KIAA1549L: variants seen among roughly 807,000 people sequenced by gnomAD.
KIAA1549L encodes the protein UPF0606 protein KIAA1549L.
In KIAA1549L, 88 loss-of-function variants were observed where a neutral mutation model predicts 160.7. That is an observed-to-expected ratio of 0.55 (90% CI 0.46 to 0.65). The LOEUF (loss-of-function observed/expected upper bound fraction) is 0.65. Ranked by LOEUF, KIAA1549L falls within the 30% of genes least tolerant of loss-of-function variation. The pLI, the probability that KIAA1549L is intolerant of heterozygous loss-of-function variation, is 0.00. For synonymous variants in KIAA1549L, 950 were observed against 976.7 expected (o/e 0.97, Z 0.51); for missense variants, 2,258 against 2,437.5 (o/e 0.93, Z 1.55).
chr11:33,589,857 C>T (rs1205158852), intron 11 of KIAA1549L, among the ~76,000 whole-genome samples: 2 of 152,082 alleles, frequency 1.3e-5, no homozygotes, highest in East Asian at 3.8e-4. Context: ...CACATGTATA[C>T]ATATGTAACC....
intron 13 of KIAA1549L, among the ~76,000 whole-genome samples, chr11:33,602,769 T>C (rs1211385908): frequency 6.6e-6 from 1 of 152,230 alleles, no homozygotes; most frequent in Non-Finnish European, 1.5e-5. Context: ...TCATACCACA[T>C]TTTGAAGCAT....
At chr11:33,443,143 G>C (rs972662642) in intron 1 of KIAA1549L, among the ~76,000 whole-genome samples, 2 of 151,904 alleles carry the variant, frequency 1.3e-5, no homozygotes, top group African/African-American at 4.8e-5. Context: ...GTTTTCTGAT[G>C]ACTTTCATTT....
intron 16 of KIAA1549L, among the ~76,000 whole-genome samples, chr11:33,639,779 A>G (rs1355438983): frequency 6.6e-6 from 1 of 152,102 alleles, no homozygotes; most frequent in Admixed American, 6.6e-5. Context: ...ACCTCAAATG[A>G]TCCGCCCGCC....
At chr11:33,389,052 C>T (rs1850225769) in intron 1 of KIAA1549L, among the ~76,000 whole-genome samples, 1 of 152,312 alleles carries the variant, frequency 6.6e-6, no homozygotes, top group East Asian at 1.9e-4. Context: ...TATGTTAAAT[C>T]TATTCTTAGC....
intron 16 of KIAA1549L, among the ~76,000 whole-genome samples, chr11:33,633,005 C>T (rs1156980428): frequency 6.6e-6 from 1 of 150,862 alleles, no homozygotes; most frequent in Non-Finnish European, 1.5e-5. Flanking sequence ...GACAGAGTTT[C>T]ATTCTTGTTG....
intron 1 of KIAA1549L, among the ~76,000 whole-genome samples, chr11:33,465,850 G>A (rs1203978401): frequency 6.6e-6 from 1 of 151,958 alleles, no homozygotes; most frequent in Non-Finnish European, 1.5e-5. Flanking sequence ...AACTCAAGAT[G>A]GATTAAAGAC....
intron 1 of KIAA1549L, among the ~76,000 whole-genome samples, chr11:33,508,145 C>T (rs1300669201): frequency 2.0e-5 from 3 of 152,206 alleles, no homozygotes; most frequent in South Asian, 2.1e-4. Context: ...TTGCGCAATG[C>T]ATCTGCTCCA....
At chr11:33,611,150 C>T (rs1850637733) in intron 15 of KIAA1549L, among the ~76,000 whole-genome samples, 1 of 152,212 alleles carries the variant, frequency 6.6e-6, no homozygotes, top group Non-Finnish European at 1.5e-5. Flanking sequence ...CCAAACATGT[C>T]CACCTTTCTT....
intron 1 of KIAA1549L, among the ~76,000 whole-genome samples, chr11:33,428,358 G>A (rs1185446153): frequency 6.6e-6 from 1 of 151,788 alleles, no homozygotes; most frequent in African/African-American, 2.4e-5. Flanking sequence ...CAACGTGCAG[G>A]TTTGTTACAT....
At chr11:33,521,097 T>C (rs1204141559) in intron 1 of KIAA1549L, among the ~76,000 whole-genome samples, 1 of 152,122 alleles carries the variant, frequency 6.6e-6, no homozygotes, top group Non-Finnish European at 1.5e-5. Context: ...TAAAAGCCCA[T>C]GACTTCCAGG....
chr11:33,451,765 GGAAAAAACCTCAAAA>G (rs1412133262), intron 1 of KIAA1549L, among the ~76,000 whole-genome samples: 1 of 152,138 alleles, frequency 6.6e-6, no homozygotes, highest in Non-Finnish European at 1.5e-5. Flanking sequence ...TAGACAATCT[GGAAAAAACCTCAAAA>G]GCAAGAACCT....
chr11:33,490,489 A>G (rs1462406962), intron 1 of KIAA1549L, among the ~76,000 whole-genome samples: 1 of 151,772 alleles, frequency 6.6e-6, no homozygotes, highest in East Asian at 1.9e-4. Context: ...ATGCCTAGCT[A>G]TGTTTTTGCA....
chr11:33,661,454 C>T (rs1269140193), intron 20 of KIAA1549L, among the ~76,000 whole-genome samples: 1 of 152,204 alleles, frequency 6.6e-6, no homozygotes, highest in Admixed American at 6.5e-5. Context: ...GGCCACACAG[C>T]TAGGAAGGAA....
Position 33,568,090 on chromosome 11 carries a change from G to A in KIAA1549L, c.4093G>A (p.Asp1365Asn). The change falls in exon 9 of 21, where the codon GAC becomes AAC. Residue 1365 changes from aspartate (D) to asparagine (N), a missense_variant. Physicochemically the swap from Asp to Asn is conservative, Grantham distance 23. Transcript: ENST00000658780. ...TGCATCCACAGTGCTGCAGGGTGTG[G>A]ACAATTCGCTGGTGGGCCTGCACAA... Reference protein sequence around the residue: ...YWVITVLQGVDNSLVGLHNQS... With the variant: ...YWVITVLQGVNNSLVGLHNQS... The A allele has an allele frequency of 1.2e-6, 2 of 1,611,092 alleles. No individual in the cohort carries two copies. Among genetic ancestry groups the A allele is most frequent in the Non-Finnish European group, 1.7e-6 (2 of 1,178,690 alleles).
rs751359656 is a variant in KIAA1549L at position 33,609,958 on chromosome 11, T to C, written c.5271T>C (p.Ser1757=). ...AACTCTGTGCTCCATTCACCGAGTC[T>C]AAAAACAGGTGCAGTCTCTAAGGGA... ...DSELCAPFTE[S]KNRQQMKNSV... Residue 1757 remains serine, a synonymous_variant, in exon 15 of 21, where the codon TCT becomes TCC. Transcript: ENST00000658780. The C allele has an allele frequency of 6.2e-7, 1 of 1,613,192 alleles. No homozygotes were observed. Among genetic ancestry groups the C allele is most frequent in the Non-Finnish European group, 8.5e-7 (1 of 1,179,248 alleles).
chr11:33,514,080 A>T (rs1392331398), intron 1 of KIAA1549L, among the ~76,000 whole-genome samples: 1 of 152,202 alleles, frequency 6.6e-6, no homozygotes, highest in Non-Finnish European at 1.5e-5. Flanking sequence ...AGAAAGGTTG[A>T]GTCTTGTTGC....
intron 1 of KIAA1549L, among the ~76,000 whole-genome samples, chr11:33,407,217 T>C (rs903949190): frequency 1.3e-5 from 2 of 149,890 alleles, no homozygotes; most frequent in South Asian, 4.3e-4. Context: ...CCCGAGTAGC[T>C]GGGACTACAG....
intron 1 of KIAA1549L, among the ~76,000 whole-genome samples, chr11:33,478,437 T>G (rs1459679145): frequency 6.6e-6 from 1 of 152,224 alleles, no homozygotes; most frequent in African/African-American, 2.4e-5. Context: ...AAAGAGGTTT[T>G]TTCAAGCTCT....
rs766704256 is a variant in KIAA1549L at position 33,574,698 on chromosome 11, A to C, written c.4231-4A>C. On this transcript the variant is annotated splice_region_variant and splice_polypyrimidine_tract_variant and intron_variant, in intron 9 of 20. Coordinates refer to ENST00000658780, the MANE Select transcript of KIAA1549L (RefSeq NM_012194.3). ...CAAACACTCGGCCTCTCTTTTTCCG[A>C]AAGATGGTGAAGATGCAGCGTGTCC... 3.7e-6 allele frequency: 6 copies of C among 1,604,606 alleles called. No individual in the cohort carries two copies. Among genetic ancestry groups the C allele is most frequent in the Non-Finnish European group, 8.5e-7 (1 of 1,173,858 alleles).
Sources: gnomAD v4.1 joint callset for allele counts (sites outside exome capture counted in the v4.1 genomes callset) on GRCh38, gnomAD v4.1.1 for gene constraint, MANE v1.5 for transcripts, NCBI Gene and HGNC (gene_info 2026-07-23, HGNC 2026-07-21) for gene names.